The following WNT11 variants were observed in gnomAD, a reference collection of about 807,000 sequenced individuals.
The protein encoded by WNT11 is Wnt family member 11, also known as protein Wnt-11.
WNT11 carries 20 observed loss-of-function variants against 35.6 expected under a neutral mutation model. The ratio of observed to expected loss-of-function variants is 0.56; its 90% CI spans 0.40 to 0.82. The LOEUF is 0.82. Among genes scored for constraint, WNT11 ranks in the 40% least tolerant of loss-of-function variants. The pLI is 0.00. For missense variants in WNT11, 459 were observed against 504.4 expected (o/e 0.91, Z 0.86); for synonymous variants, 200 against 211.9 (o/e 0.94, Z 0.49).
At position 76,191,583 on chromosome 11, in the gene WNT11, A is replaced by T. The variant is rs1369731847; in HGVS notation, c.871T>A (p.Ser291Thr). Residue 291 changes from serine (S) to threonine (T), a missense_variant, in exon 4 of 5, where the codon TCC becomes ACC. Coordinates refer to ENST00000322563, the MANE Select transcript of WNT11 (RefSeq NM_004626.3). Reference protein sequence around the residue: ...DFCMKNEKVGSHGTQDRQCNK... With the variant: ...DFCMKNEKVGTHGTQDRQCNK... ...CCTCACCTGTCTTGTGTCCCGTGGGAGCCCACCTTCTCATTCTTCATGCAG... is the reference window on the plus strand; with the variant it reads ...CCTCACCTGTCTTGTGTCCCGTGGGTGCCCACCTTCTCATTCTTCATGCAG... 2.5e-6 allele frequency: 4 copies of T among 1,611,160 alleles called. No homozygotes were observed. In the African/African-American group the frequency reaches 4.0e-5, roughly 16 times the overall value.
At position 76,191,856 on chromosome 11, in the gene WNT11, C is replaced by A. The variant is rs1452898776; in HGVS notation, c.598G>T (p.Ala200Ser). Residue 200 changes from alanine to serine, a missense_variant and splice_region_variant, in exon 4 of 5, where the codon GCT becomes TCT. By Grantham distance (99) the Ala-to-Ser change is moderately conservative. Coordinates refer to ENST00000322563, the MANE Select transcript of WNT11 (RefSeq NM_004626.3). ...RLHNSEVGRQ[A>S]LRASLEMKCK... ...TTCATTTCCAGAGAGGCGCGCAGAG[C>A]CTGCGGACAGGGGAAGGCGTCAGCT... The A allele has an allele frequency of 3.8e-6, 6 of 1,594,208 alleles. 1 individual carries two copies. In the South Asian group the frequency reaches 5.5e-5, roughly 15 times the overall value.
At position 76,196,450 on chromosome 11, in the gene WNT11, C is replaced by T. The variant is rs777855363; in HGVS notation, c.319+33G>A. 9.3e-6 allele frequency: 15 copies of T among 1,607,360 alleles called. No individual in the cohort carries two copies. In the South Asian group the frequency reaches 1.5e-4, roughly 16 times the overall value. On this transcript the variant is annotated intron_variant, in intron 2 of 4. Transcript: ENST00000322563. ...GATGCCTGAATTCCTTCACCCGCAC[C>T]CACATGCATTCAGCAGCCTCGCCAG...
At position 76,191,856 on chromosome 11, in the gene WNT11, C is replaced by T; in HGVS notation, c.598G>A (p.Ala200Thr). ...TTCATTTCCAGAGAGGCGCGCAGAG[C>T]CTGCGGACAGGGGAAGGCGTCAGCT... ...RLHNSEVGRQ[A>T]LRASLEMKCK... The change falls in exon 4 of 5, where the codon GCT becomes ACT. Residue 200 changes from alanine (A) to threonine (T), a missense_variant and splice_region_variant. Physicochemically the swap from Ala to Thr is moderately conservative, Grantham distance 58 (BLOSUM62 0). Coordinates refer to ENST00000322563, the MANE Select transcript of WNT11 (RefSeq NM_004626.3). 1.3e-6 allele frequency: 2 copies of T among 1,594,208 alleles called. No individual in the cohort carries two copies. Among genetic ancestry groups the T allele is most frequent in the Non-Finnish European group, 1.7e-6 (2 of 1,174,800 alleles).
upstream of WNT11, among the ~76,000 whole-genome samples, chr11:76,209,740 C>T (rs916274945): frequency 3.3e-5 from 5 of 152,092 alleles, no homozygotes; most frequent in Admixed American, 6.5e-5. Context: ...CTCCTGCTAA[C>T]CCCCTGGAGC....
chr11:76,191,520 C>T, intron 4 of WNT11, 44 bp downstream of exon 4: 1 of 1,585,010 alleles, frequency 6.3e-7, no homozygotes, highest in Non-Finnish European at 8.6e-7. Flanking sequence ...ACAGTATGTG[C>T]AACACCAGTG....
Position 76,194,696 on chromosome 11 carries a change from T to A in WNT11, c.468A>T (p.Gly156=), listed in dbSNP as rs1382812547. The change falls in exon 3 of 5, where the codon GGA becomes GGT. Residue 156 remains glycine, a synonymous_variant. Transcript: ENST00000322563. The surrounding 1 kb of genome is among the most constrained non-coding windows in gnomAD (Gnocchi z 5.4). ...EPPGPGNRWG[G]CADNLSYGLL... ...GCCCGTAGCTGAGGTTGTCCGCACA[T>A]CCTCCCCAGCGGTTCCCGGGCCCGG... 6.4e-7 allele frequency: 1 copy of A among 1,550,436 alleles called. No individual in the cohort carries two copies. Among genetic ancestry groups the A allele is most frequent in the Admixed American group, 2.0e-5 (1 of 51,012 alleles).
intron 4 of WNT11, among the ~76,000 whole-genome samples, chr11:76,187,514 G>A (rs1953116018): frequency 6.6e-6 from 1 of 152,098 alleles, no homozygotes. Context: ...CCAGGCTGGA[G>A]TGCAGTGGTT....
chr11:76,203,176 C>T (rs997948893), intron 1 of WNT11, among the ~76,000 whole-genome samples: 1 of 152,238 alleles, frequency 6.6e-6, no homozygotes, highest in African/African-American at 2.4e-5. Flanking sequence ...AGCTAGACCC[C>T]AGGCCTCCTG....
At chr11:76,210,572 T>C (rs1171523806), upstream of WNT11, 1 of 985,070 alleles carries the variant, frequency 1.0e-6, no homozygotes, top group Non-Finnish European at 1.2e-6. Context: ...GCACTCCGGC[T>C]GGGCGAGCGG....
chr11:76,208,591 C>G (rs1953509390), upstream of WNT11, among the ~76,000 whole-genome samples: 1 of 152,170 alleles, frequency 6.6e-6, no homozygotes, highest in Non-Finnish European at 1.5e-5. Flanking sequence ...CCGAAGGCAC[C>G]CGGCATTCCT....
chr11:76,201,362 G>A (rs1204137690), intron 1 of WNT11, among the ~76,000 whole-genome samples: 1 of 152,212 alleles, frequency 6.6e-6, no homozygotes, highest in Non-Finnish European at 1.5e-5. Context: ...TTCCACTCCC[G>A]AGGAGGGCCA....
intron 4 of WNT11, among the ~76,000 whole-genome samples, chr11:76,190,147 C>A (rs890432899): frequency 1.3e-5 from 2 of 151,978 alleles, no homozygotes; most frequent in Admixed American, 6.5e-5. Context: ...CGGTGGGGTG[C>A]CCTCCCCACT....
upstream of WNT11, among the ~76,000 whole-genome samples, chr11:76,209,142 TGCCCGGCCCCTTGCTTGGGGCCGG>T (rs1953519617): frequency 6.6e-6 from 1 of 152,140 alleles, no homozygotes; most frequent in South Asian, 2.1e-4. Context: ...CGCCCTGACC[TGCCCGGCCCCTTGCTTGGGGCCGG>T]GCGCGTAGTG....
Position 76,196,486 on chromosome 11 carries a change from T to C in WNT11, c.316A>G (p.Arg106Gly), listed in dbSNP as rs1237409875. The C allele has an allele frequency of 1.2e-6, 2 of 1,612,968 alleles. No homozygotes were observed. The highest frequency in any genetic ancestry group is 2.7e-5 in the African/African-American group (2 of 74,872). Residue 106 changes from arginine to glycine, a missense_variant, in exon 2 of 5, where the codon AGA (arginine) becomes GGA (glycine). Arg to Gly is a moderately radical substitution (Grantham distance 125). Coordinates refer to ENST00000322563, the MANE Select transcript of WNT11 (RefSeq NM_004626.3). ...CAGCAGCCTCGCCAGCTCCTACCTC[T>C]CTCCAGGTCAAGCAAATAGTTGGGG... is the stretch of plus-strand genomic sequence containing the variant. ...LAPNYLLDLE[R>G]GTRESAFVYA...
chr11:76,210,645 C>T (rs1953558350), upstream of WNT11: 2 of 985,140 alleles, frequency 2.0e-6, no homozygotes, highest in Non-Finnish European at 2.4e-6. Flanking sequence ...AAGCTGCGGC[C>T]GGCTCAGGAC....
intron 4 of WNT11, among the ~76,000 whole-genome samples, chr11:76,188,442 C>T (rs533893682): frequency 6.7e-4 from 102 of 152,378 alleles, no homozygotes; most frequent in African/African-American, 2.4e-3. Context: ...AACATCCTTC[C>T]ACTGCTCTCA....
At chr11:76,187,282 C>T in intron 4 of WNT11, 43 bp from the exon 5 acceptor site, 2 of 1,568,074 alleles carry the variant, frequency 1.3e-6, no homozygotes, top group Non-Finnish European at 1.7e-6. Context: ...GCCTTGGTCA[C>T]CACCCCACCA....
intron 1 of WNT11, among the ~76,000 whole-genome samples, chr11:76,203,712 C>G (rs1953424383): frequency 6.6e-6 from 1 of 152,250 alleles, no homozygotes; most frequent in African/African-American, 2.4e-5. Context: ...AGGCACCCAC[C>G]AGGTGAGCAT....
At chr11:76,202,497 G>C (rs1290306560) in intron 1 of WNT11, among the ~76,000 whole-genome samples, 4 of 152,146 alleles carry the variant, frequency 2.6e-5, no homozygotes, top group Non-Finnish European at 5.9e-5. Flanking sequence ...ATGTGGCAGG[G>C]AGGATGGAGC....
Sources: allele counts gnomAD v4.1 joint callset (sites outside exome capture counted in the v4.1 genomes callset), GRCh38; gene constraint gnomAD v4.1.1; non-coding constraint Gnocchi (gnomAD v3.1); transcripts MANE v1.5; gene names NCBI Gene and HGNC (gene_info 2026-07-23, HGNC 2026-07-21).